GAK: variants seen among roughly 807,000 people sequenced by gnomAD.
The protein encoded by GAK is cyclin-G-associated kinase.
GAK carries 79 observed loss-of-function variants against 143.9 expected under a neutral mutation model. The observed-to-expected ratio is 0.55, with a 90% CI of 0.46 to 0.66. The LOEUF (loss-of-function observed/expected upper bound fraction) is 0.66, where lower values mean the gene tolerates loss of function less well. Among genes scored for constraint, GAK ranks in the 30% least tolerant of loss-of-function variants. The probability of loss-of-function intolerance (pLI) is 0.00; values close to 1 mark genes in which losing one functional copy is unlikely to be tolerated. For synonymous variants in GAK, 881 were observed against 765.5 expected (o/e 1.15, Z -2.49); for missense variants, 1,693 against 1,779.7 (o/e 0.95, Z 0.88).
chr4:902,155 T>C (rs1212816656), intron 5 of GAK, among the ~76,000 whole-genome samples: 7 of 149,934 alleles, frequency 4.7e-5, no homozygotes, highest in Non-Finnish European at 8.9e-5. Flanking sequence ...GGAGAATCGC[T>C]GGAACCCAGG....
chr4:856,067 C>T (rs1749068027), intron 24 of GAK, among the ~76,000 whole-genome samples: 1 of 152,214 alleles, frequency 6.6e-6, no homozygotes, highest in Non-Finnish European at 1.5e-5. Context: ...CCAGCCTTGA[C>T]CTCCTGGGCT....
At chr4:849,834 A>ACCCCCCCCCC (rs33919242) in intron 27 of GAK, 58 bp downstream of exon 27, 68 of 948,306 alleles carry the variant, frequency 7.2e-5, no homozygotes, top group South Asian at 1.5e-4. Context: ...GCGGGGCAGG[A>ACCCCCCCCCC]CCCCCCCCCC....
intron 24 of GAK, among the ~76,000 whole-genome samples, chr4:855,153 G>A (rs1019969933): frequency 6.6e-6 from 1 of 152,154 alleles, no homozygotes; most frequent in Admixed American, 6.5e-5. Flanking sequence ...TAGGAACTGC[G>A]TTAGGCTACA....
At chr4:856,799 C>G (rs1185554970) in intron 24 of GAK, among the ~76,000 whole-genome samples, 1 of 152,250 alleles carries the variant, frequency 6.6e-6, no homozygotes, top group African/African-American at 2.4e-5. Flanking sequence ...TGGTTTCAAA[C>G]TCCTGGGTTC....
chr4:865,907 G>A (rs377498437), intron 22 of GAK, among the ~76,000 whole-genome samples: 13 of 152,344 alleles, frequency 8.5e-5, no homozygotes, highest in African/African-American at 2.9e-4. Context: ...GCTGTGCCCC[G>A]GCGCCTGACC....
chr4:893,202 C>G (rs112166801), intron 9 of GAK, among the ~76,000 whole-genome samples, 175 bp downstream of exon 9: 1 of 150,786 alleles, frequency 6.6e-6, no homozygotes, highest in East Asian at 1.9e-4. Flanking sequence ...CTGGGGCTCA[C>G]GTGTGCCTCC....
Position 867,081 on chromosome 4 carries a change from C to T in GAK, c.2747G>A (p.Gly916Glu). The T allele has an allele frequency of 6.5e-7, 1 of 1,547,342 alleles. No individual in the cohort carries two copies. Among genetic ancestry groups the T allele is most frequent in the Non-Finnish European group, 8.7e-7 (1 of 1,145,928 alleles). ...SNTDLLSCLL[G>E]PPEAASQGPP... Reference sequence around the variant, plus strand: ...CCCCTGGGAGGCGGCCTCAGGGGGCCCAAGGAGGCAGCTGAGCAGGTCGGT... The same window carrying T: ...CCCCTGGGAGGCGGCCTCAGGGGGCTCAAGGAGGCAGCTGAGCAGGTCGGT... Residue 916 changes from glycine to glutamate, a missense_variant, in exon 21 of 28, where the codon GGG (glycine) becomes GAG (glutamate). Gly to Glu is a moderately conservative substitution (Grantham distance 98, BLOSUM62 -2). Transcript: ENST00000314167.
chr4:912,630 G>A lies in GAK; in HGVS notation c.267+105C>T, dbSNP rs532225407. The A allele has an allele frequency of 8.3e-6, 7 of 842,076 alleles. No homozygotes were observed. The South Asian group carries it at 1.2e-4, about 15-fold the overall frequency. The allele number at this position is 842,076 out of a possible 1,614,324, so 52.2% of individuals were successfully genotyped here. A position where few individuals can be genotyped will look rare whatever the true frequency, so the allele number is the denominator to read the frequency against. ...AAAAAGCCGATTTTAACACATGAAA[G>A]ACAACGTCACGGAGCAGCCTCTTGG... On this transcript the variant is annotated intron_variant, in intron 3 of 27. Coordinates refer to ENST00000314167, the MANE Select transcript of GAK (RefSeq NM_005255.4).
At chr4:928,961 C>T (rs1725258852) in intron 1 of GAK, among the ~76,000 whole-genome samples, 1 of 152,140 alleles carries the variant, frequency 6.6e-6, no homozygotes, top group East Asian at 1.9e-4. Flanking sequence ...CGGGTTTCCC[C>T]GTGTTGCCCA....
Position 881,974 on chromosome 4 carries a change from C to A in GAK, c.1594G>T (p.Ala532Ser). 1.2e-6 allele frequency: 2 copies of A among 1,603,198 alleles called. No individual in the cohort carries two copies. The highest frequency in any genetic ancestry group is 1.1e-5 in the South Asian group (1 of 89,318). ...CTGAACATGTACACGGCGGCCTCCG[C>A]GGTGCTGAAGAGACGGCAGAAGCAC... is the stretch of plus-strand genomic sequence containing the variant. ...FLCFCRLFST[A>S]EAAVYMFSMK... is the part of the protein sequence containing the mutation. Residue 532 changes from alanine (A) to serine (S), a missense_variant, in exon 15 of 28, where the codon GCG becomes TCG. By Grantham distance (99) the Ala-to-Ser change is moderately conservative. Around this residue, in one of 2 missense-constraint regions of GAK, gnomAD observed 871 missense variants for 991.0 expected, o/e 0.88. Transcript: ENST00000314167.
intron 1 of GAK, among the ~76,000 whole-genome samples, chr4:921,248 G>A (rs1274176632): frequency 2.6e-5 from 4 of 152,112 alleles, no homozygotes; most frequent in Non-Finnish European, 5.9e-5. Context: ...GACTACAGAC[G>A]TGCGTCACCA....
intron 6 of GAK, 49 bp downstream of exon 6, chr4:897,984 G>C (rs1577221712): frequency 6.3e-7 from 1 of 1,576,300 alleles, no homozygotes; most frequent in Non-Finnish European, 8.6e-7. Context: ...TCAGGGCGTG[G>C]AATGTGGGAA....
At chr4:887,017 G>A (rs999772841) in intron 11 of GAK, 3 of 152,444 alleles carry the variant, frequency 2.0e-5, no homozygotes, top group African/African-American at 7.2e-5. Context: ...CACACACACA[G>A]GCACTCACAC....
At chr4:902,884 G>C (rs1388673345) in intron 5 of GAK, among the ~76,000 whole-genome samples, 1 of 152,154 alleles carries the variant, frequency 6.6e-6, no homozygotes, top group Non-Finnish European at 1.5e-5. Context: ...GAAACAAAAG[G>C]AAGTTTACTG....
intron 11 of GAK, chr4:886,538 C>T (rs1241835232): frequency 2.0e-5 from 3 of 152,396 alleles, no homozygotes; most frequent in East Asian, 1.9e-4. Context: ...CAATGTGCTG[C>T]GGCCATGGAG....
Position 887,483 on chromosome 4 carries a change from CTT to C in GAK, c.1205+1362_1205+1363del, listed in dbSNP as rs1577173248. The C allele has an allele frequency of 2.0e-5, 3 of 149,704 alleles. No individual in the cohort carries two copies. The East Asian group carries it at 5.9e-4, about 30-fold the overall frequency. The allele number at this position is 149,704 out of a possible 1,614,324, so 9.3% of individuals were successfully genotyped here. On this transcript the variant is annotated intron_variant, in intron 11 of 27. Coordinates refer to ENST00000314167, the MANE Select transcript of GAK (RefSeq NM_005255.4). ...TGCACGCAGCTCACGCACACAGGCA[CTT>C]GTGTGCATGCGTACACATGCATGTG...
chr4:851,004 C>A lies in GAK; in HGVS notation c.3589G>T (p.Gly1197Trp), dbSNP rs745713926. The A allele has an allele frequency of 1.4e-5, 23 of 1,613,996 alleles. No homozygotes were observed. The Admixed American group carries it at 1.7e-4, about 12-fold the overall frequency. The change falls in exon 26 of 28, where the codon GGG (glycine) becomes TGG (tryptophan). Residue 1197 changes from glycine (G) to tryptophan (W), a missense_variant. Gly to Trp is a radical substitution (Grantham distance 184). Transcript: ENST00000314167. ...QGFSSRSDKK[G>W]PKTIAEMRKQ... ...CTCATCTCTGCAATGGTCTTTGGCCCTTTCTTGTCAGACCTGGAGGAGAAG... is the reference window on the plus strand; with the variant it reads ...CTCATCTCTGCAATGGTCTTTGGCCATTTCTTGTCAGACCTGGAGGAGAAG...
At chr4:924,829 T>TC (rs56176116) in intron 1 of GAK, among the ~76,000 whole-genome samples, 100,434 of 147,396 alleles carry the variant, frequency 0.68, 34,775 homozygotes, top group South Asian at 0.85. Flanking sequence ...GGGGTGGAGT[T>TC]CCCCCGGGGG....
Position 859,273 on chromosome 4 carries a change from G to A in GAK, c.3283+333C>T, listed in dbSNP as rs553565560. 4.0e-6 allele frequency: 5 copies of A among 1,258,164 alleles called. No individual in the cohort carries two copies. In the African/African-American group the frequency reaches 4.5e-5, roughly 11 times the overall value. 77.9% of individuals were successfully genotyped at this position (1,258,164 alleles called of 1,614,324 possible). A position where few individuals can be genotyped will look rare whatever the true frequency, so the allele number is the denominator to read the frequency against. On this transcript the variant is annotated intron_variant, in intron 24 of 27. Coordinates refer to ENST00000314167, the MANE Select transcript of GAK (RefSeq NM_005255.4). ...CGCTCCGAGCACAGCCTCGGGGACT[G>A]AGCAGAGCCCAGCTACACCCCACTT...
Sources: allele counts gnomAD v4.1 joint callset (sites outside exome capture counted in the v4.1 genomes callset), GRCh38; gene constraint gnomAD v4.1.1; regional missense constraint gnomAD v4.1.1; transcripts MANE v1.5; gene names NCBI Gene and HGNC (gene_info 2026-07-23, HGNC 2026-07-21).